SV2C: variants seen among roughly 807,000 people sequenced by gnomAD.
SV2C encodes solute carrier family 22 member B3.
In SV2C, 49 loss-of-function variants were observed where a neutral mutation model predicts 79.7. The ratio of observed to expected loss-of-function variants is 0.61; its 90% CI spans 0.49 to 0.78. The LOEUF is 0.78. Among genes scored for constraint, SV2C ranks in the 30% least tolerant of loss-of-function variants. The pLI, the probability that SV2C is intolerant of heterozygous loss-of-function variation, is 0.00. For missense variants in SV2C, 833 were observed against 912.9 expected, an observed-to-expected ratio of 0.91 and a Z score of 1.13; for synonymous variants, 334 against 333.2, an observed-to-expected ratio of 1.00 and a Z score of -0.03.
chr5:76,347,577 G>A (rs896477814), intron 12 of SV2C, among the ~76,000 whole-genome samples: 5 of 152,078 alleles, frequency 3.3e-5, no homozygotes, highest in African/African-American at 1.2e-4. Flanking sequence ...CCCGAGCTGG[G>A]ACTACAGGCA....
chr5:76,288,106 A>G (rs1747415642), intron 6 of SV2C, among the ~76,000 whole-genome samples: 1 of 151,430 alleles, frequency 6.6e-6, no homozygotes, highest in South Asian at 2.1e-4. Flanking sequence ...AAAAAAATAG[A>G]CTAAAAATGT....
chr5:76,168,697 G>A (rs1743119814), intron 2 of SV2C, among the ~76,000 whole-genome samples: 1 of 152,098 alleles, frequency 6.6e-6, no homozygotes, highest in Non-Finnish European at 1.5e-5. Context: ...CTTAAATTAT[G>A]TTCTACTGTG....
intron 1 of SV2C, among the ~76,000 whole-genome samples, chr5:76,085,025 T>C (rs1305216133): frequency 6.6e-6 from 1 of 152,196 alleles, no homozygotes; most frequent in Non-Finnish European, 1.5e-5. Flanking sequence ...GCCGTGATGG[T>C]CTCCTCTCCC....
intron 2 of SV2C, among the ~76,000 whole-genome samples, chr5:76,135,644 T>C (rs1473783778): frequency 6.6e-6 from 1 of 152,232 alleles, no homozygotes; most frequent in Non-Finnish European, 1.5e-5. Context: ...TGAGCCAGAC[T>C]AGTAAGTTTT....
In SV2C at chr5:76,173,630, T is replaced by C. The variant is rs760368953; in HGVS notation, c.581-21289T>C. 8 of 1,610,816 alleles carry C rather than the reference T, an allele frequency of 5.0e-6. No individual in the cohort carries two copies. The South Asian group carries it at 8.8e-5, about 18-fold the overall frequency. On this transcript the variant is annotated intron_variant, in intron 2 of 12. Coordinates refer to ENST00000502798, the MANE Select transcript of SV2C (RefSeq NM_014979.4). Reference sequence around the variant, plus strand: ...CAGAGCTACAATGCATTTAGTATATTAAAGCAGCTGACATGATGACTTTTT... The same window carrying C: ...CAGAGCTACAATGCATTTAGTATATCAAAGCAGCTGACATGATGACTTTTT...
chr5:75,911,129 A>C, the SV2C span: 138 of 1,559,550 alleles, frequency 8.8e-5, 1 homozygote, highest in South Asian at 1.4e-3. Flanking sequence ...TTAGAAGATG[A>C]GGAAATAGAG....
rs1441838034 is a variant in SV2C, at chr5:76,232,898, A to C, written c.913+23011A>C. On this transcript the variant is annotated intron_variant, in intron 4 of 12. Transcript: ENST00000502798. ...GATGCCTCCAGCTTTGTTCTTTTGG[A>C]TTAGGATTGACTTGGCGATGCGGGC... 1.7e-3 allele frequency among the ~76,000 whole-genome samples: 233 copies of C among 140,034 alleles called. 32 individuals are homozygous for C. The highest frequency in any genetic ancestry group is 6.6e-3 in the African/African-American group (203 of 30,674). 91.9% of individuals were successfully genotyped at this position (140,034 alleles called of 152,430 possible).
At chr5:76,287,481 A>G (rs1302239348) in intron 6 of SV2C, among the ~76,000 whole-genome samples, 3 of 152,136 alleles carry the variant, frequency 2.0e-5, no homozygotes, top group Admixed American at 2.0e-4. Context: ...GCAGCTTCCC[A>G]TTGCTCTCAG....
At chr5:76,189,519 G>C (rs906693290) in intron 2 of SV2C, among the ~76,000 whole-genome samples, 4 of 152,108 alleles carry the variant, frequency 2.6e-5, no homozygotes, top group African/African-American at 9.7e-5. Context: ...GTAATTAGTT[G>C]GTTAGTAGAA....
chr5:76,156,311 G>A (rs745678277), intron 2 of SV2C, among the ~76,000 whole-genome samples: 41 of 152,144 alleles, frequency 2.7e-4, no homozygotes, highest in Non-Finnish European at 1.3e-4. Flanking sequence ...CCCCTGAGTG[G>A]TAACATCAGA....
intron 1 of SV2C, among the ~76,000 whole-genome samples, chr5:76,100,585 C>T (rs1288204464): frequency 5.9e-5 from 9 of 152,134 alleles, no homozygotes; most frequent in Non-Finnish European, 1.5e-5. Context: ...GACCATCTCC[C>T]TTGTGCAAGG....
At chr5:76,311,252 T>C (rs1389229181) in intron 12 of SV2C, 3 of 152,384 alleles carry the variant, frequency 2.0e-5, no homozygotes, top group African/African-American at 7.2e-5. Context: ...CTGAGATTCT[T>C]GCCAAGGCCA....
At chr5:75,896,869 T>C in the SV2C span, among the ~76,000 whole-genome samples, 1 of 148,298 alleles carries the variant, frequency 6.7e-6, no homozygotes, top group Admixed American at 6.6e-5. Context: ...ATGTCTTCTT[T>C]TGAGAAGTGT....
At chr5:75,932,650 T>C in the SV2C span, among the ~76,000 whole-genome samples, 11 of 152,236 alleles carry the variant, frequency 7.2e-5, no homozygotes, top group Admixed American at 1.3e-4. Flanking sequence ...AAGCATGTTG[T>C]TAAGGCACAG....
At position 76,332,183 on chromosome 5, in the gene SV2C, A is replaced by T. The variant is rs1406591482; in HGVS notation, c.*6636A>T. 1.3e-5 allele frequency: 2 copies of T among 152,194 alleles called. No homozygotes were observed. Among genetic ancestry groups the T allele is most frequent in the South Asian group, 4.1e-4 (2 of 4,826 alleles). The allele number at this position is 152,194 out of a possible 1,614,324, so 9.4% of individuals were successfully genotyped here. ...ACTTTATTGCATTCATGCTCCCCTTAGATCCAAGAGTGCCCAGGACTAGGA... is the reference window on the plus strand; with the variant it reads ...ACTTTATTGCATTCATGCTCCCCTTTGATCCAAGAGTGCCCAGGACTAGGA... On this transcript the variant is annotated 3_prime_UTR_variant, in exon 13 of 13. Coordinates refer to ENST00000502798, the MANE Select transcript of SV2C (RefSeq NM_014979.4).
At chr5:76,351,891 C>T (rs888695211) in intron 12 of SV2C, among the ~76,000 whole-genome samples, 1 of 152,112 alleles carries the variant, frequency 6.6e-6, no homozygotes, top group African/African-American at 2.4e-5. Flanking sequence ...AGGGATTGTA[C>T]TTTACAGAGG....
chr5:76,337,628 G>T (rs1313335475), downstream of SV2C, among the ~76,000 whole-genome samples: 1 of 152,168 alleles, frequency 6.6e-6, no homozygotes, highest in Non-Finnish European at 1.5e-5. Flanking sequence ...TGGGCTGTGT[G>T]CATGCATTCA....
the SV2C span, among the ~76,000 whole-genome samples, chr5:76,066,105 C>A: frequency 6.6e-6 from 1 of 152,006 alleles, no homozygotes; most frequent in Non-Finnish European, 1.5e-5. Context: ...TGGGTATATA[C>A]CCAAAGGATT....
At chr5:76,094,241 G>T (rs1747471458) in intron 1 of SV2C, among the ~76,000 whole-genome samples, 1 of 151,996 alleles carries the variant, frequency 6.6e-6, no homozygotes, top group South Asian at 2.1e-4. Flanking sequence ...TATATAGCTG[G>T]ATCAGTTTGA....
Sources: gnomAD v4.1 joint callset for allele counts (sites outside exome capture counted in the v4.1 genomes callset) on GRCh38, gnomAD v4.1.1 for gene constraint, MANE v1.5 for transcripts, NCBI Gene and HGNC (gene_info 2026-07-23, HGNC 2026-07-21) for gene names.